Variants in FGFR2 observed in about 807,000 individuals in gnomAD.
The protein encoded by FGFR2 is fibroblast growth factor receptor 2, also known as BEK fibroblast growth factor receptor.
A neutral mutation model predicts 95.9 loss-of-function variants in FGFR2; 19 were observed. The ratio of observed to expected loss-of-function variants is 0.20; its 90% CI spans 0.14 to 0.29. The LOEUF is 0.29. Ranked by LOEUF, FGFR2 falls within the 10% of genes least tolerant of loss-of-function variation. The pLI is 1.00. For synonymous variants in FGFR2, 392 were observed against 393.3 expected, an observed-to-expected ratio of 1.00 and a Z score of 0.04; for missense variants, 707 against 1,056.9, an observed-to-expected ratio of 0.67 and a Z score of 4.59.
At chr10:121,526,002 T>C (rs1851316908) in intron 6 of FGFR2, among the ~76,000 whole-genome samples, 1 of 152,156 alleles carries the variant, frequency 6.6e-6, no homozygotes, top group Non-Finnish European at 1.5e-5. Context: ...GCCACCTCTC[T>C]CCGGCAGTCA....
chr10:121,485,351 G>T lies in FGFR2; in HGVS notation c.2195+44C>A. On this transcript the variant is annotated intron_variant, in intron 16 of 17. Transcript: ENST00000358487. This position sits in a 1 kb window ranked among gnomAD's most constrained non-coding sequence, Gnocchi z 4.2. ...ACATCAGGAGAGGTATTACTGGTGT[G>T]GCAAGTCCACTGGGGCACCGGCAGG... 1 of 1,613,480 alleles carries T rather than the reference G, an allele frequency of 6.2e-7. No homozygotes were observed. The highest frequency in any genetic ancestry group is 8.5e-7 in the Non-Finnish European group (1 of 1,179,734).
At chr10:121,591,403 C>G (rs968512663) in intron 2 of FGFR2, among the ~76,000 whole-genome samples, 1 of 152,248 alleles carries the variant, frequency 6.6e-6, no homozygotes, top group Non-Finnish European at 1.5e-5. Flanking sequence ...GGCGACAAGG[C>G]CATGCACCCG....
In FGFR2 at chr10:121,479,357, AAGAG is replaced by A. The variant is rs576432930; in HGVS notation, c.*496_*499del. On this transcript the variant is annotated 3_prime_UTR_variant, in exon 18 of 18. Coordinates refer to ENST00000358487, the MANE Select transcript of FGFR2 (RefSeq NM_000141.5). The stretch of plus-strand genomic sequence containing the variant: ...GCATTTAGCAAATAGCTATTAAAAA[AAGAG>A]AGACCAATTTTCTAGGTGCATTGGG... 5.8e-5 allele frequency: 17 copies of A among 294,484 alleles called. No individual in the cohort carries two copies. Among genetic ancestry groups the A allele is most frequent in the African/African-American group, 3.6e-4 (17 of 46,732 alleles). 18.2% of individuals were successfully genotyped at this position (294,484 alleles called of 1,614,324 possible).
At chr10:121,532,394 A>G (rs1385611679) in intron 6 of FGFR2, among the ~76,000 whole-genome samples, 1 of 152,232 alleles carries the variant, frequency 6.6e-6, no homozygotes, top group Non-Finnish European at 1.5e-5. Context: ...TCCAGAAGCC[A>G]CAGTGTGATG....
chr10:121,554,016 T>C (rs17102202), intron 4 of FGFR2, among the ~76,000 whole-genome samples: 2,077 of 152,320 alleles, frequency 0.014, 62 homozygotes, highest in East Asian at 0.071. Context: ...GGTGAAATAA[T>C]GTTGCTGGAA....
intron 6 of FGFR2, chr10:121,526,608 G>T: frequency 2.5e-6 from 1 of 398,086 alleles, no homozygotes; most frequent in Non-Finnish European, 4.4e-6. Flanking sequence ...CAGAAAAAGG[G>T]AACGCTATGA....
At chr10:121,495,404 C>T (rs190143249) in intron 13 of FGFR2, among the ~76,000 whole-genome samples, 2 of 152,256 alleles carry the variant, frequency 1.3e-5, no homozygotes, top group African/African-American at 2.4e-5. Context: ...GGCACATCCT[C>T]GTACTCCCAG....
intron 9 of FGFR2, among the ~76,000 whole-genome samples, chr10:121,511,740 C>T (rs987947157): frequency 6.6e-6 from 1 of 152,306 alleles, no homozygotes; most frequent in South Asian, 2.1e-4. Context: ...CATCTGCCTC[C>T]CACCACCCAA....
intron 2 of FGFR2, among the ~76,000 whole-genome samples, chr10:121,590,037 G>C (rs944140011): frequency 1.3e-5 from 2 of 152,146 alleles, no homozygotes; most frequent in African/African-American, 4.8e-5. Context: ...GACTTAGGGA[G>C]GTCTCTGTGT....
At position 121,531,813 on chromosome 10, in the gene FGFR2, A is replaced by G. The variant is rs1478136077; in HGVS notation, c.748+6779T>C. On this transcript the variant is annotated intron_variant, in intron 6 of 17. Transcript: ENST00000358487. The surrounding 1 kb of genome is among the most constrained non-coding windows in gnomAD (Gnocchi z 4.5). The stretch of plus-strand genomic sequence containing the variant: ...AGAGGGCATCTGGCACAGAGTAGAG[A>G]CCCTTAGGGGTTGTCTGTGACAGCG... Among the ~76,000 whole-genome samples the G allele has an allele frequency of 6.6e-6, 1 of 152,010 alleles. No homozygotes were observed. Among genetic ancestry groups the G allele is most frequent in the Non-Finnish European group, 1.5e-5 (1 of 67,998 alleles).
At chr10:121,578,726 A>G (rs1227995764) in intron 2 of FGFR2, among the ~76,000 whole-genome samples, 1 of 152,234 alleles carries the variant, frequency 6.6e-6, no homozygotes, top group Non-Finnish European at 1.5e-5. Context: ...CCTGGCCAAC[A>G]CAGTGAAACC....
chr10:121,538,448 T>C (rs2134594627), intron 6 of FGFR2, 144 bp downstream of exon 6: 1 of 1,233,868 alleles, frequency 8.1e-7, no homozygotes, highest in Middle Eastern at 1.9e-4. Flanking sequence ...AGAAGCAGCC[T>C]TGTAAAATGA....
Position 121,504,999 on chromosome 10 carries a change from G to A in FGFR2, c.1288-1058C>T, listed in dbSNP as rs3135769. On this transcript the variant is annotated intron_variant, in intron 9 of 17. Transcript: ENST00000358487. ...TTAACCACGATCCATCTCCAAGCAG[G>A]CAACTAGCCCACCCTGGGCTCTGTC... Among the ~76,000 whole-genome samples, 296 of 152,294 alleles carry A rather than the reference G, an allele frequency of 1.9e-3. 2 individuals are homozygous for A. Among genetic ancestry groups the A allele is most frequent in the African/African-American group, 6.3e-3 (261 of 41,556 alleles).
intron 13 of FGFR2, among the ~76,000 whole-genome samples, chr10:121,495,477 G>C (rs1290523756): frequency 6.6e-6 from 1 of 152,126 alleles, no homozygotes; most frequent in Non-Finnish European, 1.5e-5. Flanking sequence ...GCAGTGAGCT[G>C]TGATTATGCC....
At chr10:121,495,552 T>C (rs1297660720) in intron 13 of FGFR2, among the ~76,000 whole-genome samples, 1 of 152,120 alleles carries the variant, frequency 6.6e-6, no homozygotes, top group Non-Finnish European at 1.5e-5. Flanking sequence ...CTCTGGGCCA[T>C]GTTCCTATGT....
intron 6 of FGFR2, among the ~76,000 whole-genome samples, chr10:121,533,262 T>C (rs1320227695): frequency 2.0e-5 from 3 of 152,154 alleles, no homozygotes; most frequent in African/African-American, 7.2e-5. Context: ...TGGTGGCACA[T>C]GCCTATAATC....
chr10:121,564,409 T>C (rs1229460121), intron 4 of FGFR2, 93 bp downstream of exon 4: 76 of 1,181,440 alleles, frequency 6.4e-5, no homozygotes, highest in Non-Finnish European at 9.0e-5. Flanking sequence ...GGACACAGCA[T>C]GGCGCAGAAG....
At chr10:121,492,348 T>C (rs573716077) in intron 13 of FGFR2, among the ~76,000 whole-genome samples, 1 of 152,232 alleles carries the variant, frequency 6.6e-6, no homozygotes, top group South Asian at 2.1e-4. Flanking sequence ...ATATACACCA[T>C]GGTGTTTTTT....
rs576159359 is a variant in FGFR2 at position 121,482,285 on chromosome 10, C to T, written c.2301+1413G>A. 4.4e-6 allele frequency: 4 copies of T among 919,242 alleles called. No homozygotes were observed. In the African/African-American group the frequency reaches 5.0e-5, roughly 11 times the overall value. The allele number at this position is 919,242 out of a possible 1,614,324, so 56.9% of individuals were successfully genotyped here. A position where few individuals can be genotyped will look rare whatever the true frequency, so the allele number is the denominator to read the frequency against. Reference sequence around the variant, plus strand: ...AAGAAGAAAGTTGGTTTCTTCCCCCCCTTGAACCGTTCCTTTCCTTTCAAC... The same window carrying T: ...AAGAAGAAAGTTGGTTTCTTCCCCCTCTTGAACCGTTCCTTTCCTTTCAAC... On this transcript the variant is annotated intron_variant, in intron 17 of 17. Transcript: ENST00000358487.
Sources: gnomAD v4.1 joint callset for allele counts (sites outside exome capture counted in the v4.1 genomes callset) on GRCh38, gnomAD v4.1.1 for gene constraint, Gnocchi (gnomAD v3.1) non-coding constraint, MANE v1.5 for transcripts, NCBI Gene and HGNC (gene_info 2026-07-23, HGNC 2026-07-21) for gene names.